Variants in CSMD1 observed in about 807,000 individuals in gnomAD.
CSMD1 encodes the protein CUB and Sushi multiple domains 1.
In CSMD1, 213 loss-of-function variants were observed where a neutral mutation model predicts 417.5. That is an observed-to-expected ratio of 0.51 (90% CI 0.46 to 0.57). The LOEUF (loss-of-function observed/expected upper bound fraction) is 0.57. Among genes scored for constraint, CSMD1 ranks in the 20% least tolerant of loss-of-function variants. The pLI is 0.00. For synonymous variants in CSMD1, 2,862 were observed against 1,736.8 expected, an observed-to-expected ratio of 1.65 and a Z score of -16.11; for missense variants, 6,923 against 4,529.7, an observed-to-expected ratio of 1.53 and a Z score of -15.17.
chr8:3,086,274 G>A (rs945160971), intron 49 of CSMD1, among the ~76,000 whole-genome samples: 11 of 151,994 alleles, frequency 7.2e-5, no homozygotes, highest in Admixed American at 3.9e-4. Context: ...CATTAAATAC[G>A]AATTTTTAGA....
intron 1 of CSMD1, among the ~76,000 whole-genome samples, chr8:4,670,837 G>A (rs1433005099): frequency 6.6e-6 from 1 of 152,158 alleles, no homozygotes; most frequent in Non-Finnish European, 1.5e-5. Context: ...TCTTAGAAGA[G>A]CAAAAGAACG....
chr8:4,674,308 T>C (rs7831338), intron 1 of CSMD1, among the ~76,000 whole-genome samples: 15,399 of 151,842 alleles, frequency 0.1, 1,288 homozygotes, highest in African/African-American at 0.24. Context: ...TGGACCTGGA[T>C]TGAGGCTGAA....
At chr8:3,640,174 A>C (rs1174917408) in intron 7 of CSMD1, among the ~76,000 whole-genome samples, 4 of 152,178 alleles carry the variant, frequency 2.6e-5, no homozygotes, top group African/African-American at 7.2e-5. Flanking sequence ...TTAATGCTTG[A>C]AGCTGGTGCA....
chr8:3,381,252 C>G (rs934857373), intron 18 of CSMD1, among the ~76,000 whole-genome samples: 2 of 151,510 alleles, frequency 1.3e-5, no homozygotes, highest in South Asian at 2.1e-4. Context: ...GGTACCTGTT[C>G]AACAGATCTA....
At chr8:4,548,666 T>C (rs1273219972) in intron 2 of CSMD1, among the ~76,000 whole-genome samples, 1 of 152,188 alleles carries the variant, frequency 6.6e-6, no homozygotes, top group Non-Finnish European at 1.5e-5. Context: ...CAATTAGGTG[T>C]TTGATTTTCC....
At chr8:3,402,079 T>C (rs1405659854) in intron 15 of CSMD1, among the ~76,000 whole-genome samples, 4 of 152,140 alleles carry the variant, frequency 2.6e-5, no homozygotes, top group Admixed American at 6.5e-5. Flanking sequence ...GCTTTATTTT[T>C]ATTAGAACAA....
intron 7 of CSMD1, among the ~76,000 whole-genome samples, chr8:3,680,777 C>T (rs987288716): frequency 1.3e-5 from 2 of 152,174 alleles, no homozygotes; most frequent in African/African-American, 2.4e-5. Context: ...AACATTGATG[C>T]AAAAATTCTC....
At chr8:3,065,484 A>G (rs1812880800) in intron 49 of CSMD1, among the ~76,000 whole-genome samples, 1 of 152,136 alleles carries the variant, frequency 6.6e-6, no homozygotes, top group African/African-American at 2.4e-5. Flanking sequence ...AGACAATAGG[A>G]AGATAGATAT....
intron 5 of CSMD1, among the ~76,000 whole-genome samples, chr8:3,935,150 G>C (rs1810397997): frequency 6.6e-6 from 1 of 152,080 alleles, no homozygotes; most frequent in South Asian, 2.1e-4. Flanking sequence ...AGATTTTTAA[G>C]AAGCAAGAAT....
chr8:4,171,807 G>A (rs1010315383), intron 3 of CSMD1, among the ~76,000 whole-genome samples: 1 of 151,858 alleles, frequency 6.6e-6, no homozygotes, highest in Non-Finnish European at 1.5e-5. Flanking sequence ...TCATTCATTA[G>A]ACAAATCATC....
intron 5 of CSMD1, among the ~76,000 whole-genome samples, chr8:3,972,586 T>G (rs968275016): frequency 1.3e-5 from 2 of 152,224 alleles, no homozygotes; most frequent in Non-Finnish European, 2.9e-5. Context: ...TTCATCTTTA[T>G]AAAACGGCCT....
chr8:3,190,379 C>G (rs1305213544), intron 33 of CSMD1, among the ~76,000 whole-genome samples: 1 of 152,094 alleles, frequency 6.6e-6, no homozygotes, highest in East Asian at 1.9e-4. Context: ...GCCCTCAGGA[C>G]CATCTCAGTG....
intron 6 of CSMD1, among the ~76,000 whole-genome samples, chr8:3,732,044 A>C (rs1315326779): frequency 3.6e-5 from 2 of 55,014 alleles, no homozygotes; most frequent in African/African-American, 8.6e-5. Context: ...TTTTTTAGAC[A>C]AAAAAAATGC....
At chr8:3,614,857 C>A (rs6997324) in intron 8 of CSMD1, among the ~76,000 whole-genome samples, 15,349 of 152,114 alleles carry the variant, frequency 0.1, 1,012 homozygotes, top group East Asian at 0.28. Context: ...TGTGTGAGCA[C>A]ATCGTGATGA....
At chr8:4,897,355 C>T (rs963399606) in intron 1 of CSMD1, among the ~76,000 whole-genome samples, 8 of 151,922 alleles carry the variant, frequency 5.3e-5, no homozygotes, top group African/African-American at 1.7e-4. Flanking sequence ...TTCTATAGGC[C>T]ATGGGCGAGT....
intron 5 of CSMD1, among the ~76,000 whole-genome samples, chr8:3,803,951 G>A (rs537281300): frequency 1.3e-5 from 2 of 152,078 alleles, no homozygotes; most frequent in South Asian, 2.1e-4. Flanking sequence ...TTTTTGAGGT[G>A]GAGTCTTGCT....
intron 5 of CSMD1, among the ~76,000 whole-genome samples, chr8:3,801,703 C>G (rs757311695): frequency 1.3e-5 from 2 of 151,970 alleles, no homozygotes; most frequent in Non-Finnish European, 2.9e-5. Flanking sequence ...TCATAATATC[C>G]AAAATATGGA....
At chr8:3,716,944 T>C (rs1288201787) in intron 6 of CSMD1, among the ~76,000 whole-genome samples, 1 of 152,172 alleles carries the variant, frequency 6.6e-6, no homozygotes, top group African/African-American at 2.4e-5. Context: ...CAAAATGTTA[T>C]AAGATTTATG....
At chr8:4,303,440 T>G (rs1169226734) in intron 3 of CSMD1, among the ~76,000 whole-genome samples, 4 of 40,190 alleles carry the variant, frequency 1.0e-4, no homozygotes, top group Middle Eastern at 0.016. Flanking sequence ...TTTTTTTTTT[T>G]TTTTTTTTTT....
Sources: gnomAD v4.1 joint callset for allele counts (sites outside exome capture counted in the v4.1 genomes callset) on GRCh38, gnomAD v4.1.1 for gene constraint, MANE v1.5 for transcripts, NCBI Gene and HGNC (gene_info 2026-07-23, HGNC 2026-07-21) for gene names.